ASPM: variants seen among roughly 807,000 people sequenced by gnomAD.
ASPM encodes abnormal spindle-like microcephaly-associated protein.
In ASPM, 256 loss-of-function variants were observed where a neutral mutation model predicts 366.4. That is an observed-to-expected ratio of 0.70 (90% CI 0.63 to 0.77). The LOEUF is 0.77. Among genes scored for constraint, ASPM ranks in the 30% least tolerant of loss-of-function variants. ASPM has a pLI of 0.00. For synonymous variants in ASPM, 1,414 were observed against 1,342.9 expected (o/e 1.05, Z -1.16); for missense variants, 4,146 against 4,090.4 (o/e 1.01, Z -0.37).
chr1:197,101,734 G>C lies in ASPM; in HGVS notation c.7517C>G (p.Ala2506Gly). Residue 2506 changes from alanine (A) to glycine (G), a missense_variant, in exon 18 of 28, where the codon GCT becomes GGT. Ala to Gly is a moderately conservative substitution (Grantham distance 60, BLOSUM62 0). Coordinates refer to ENST00000367409, the MANE Select transcript of ASPM (RefSeq NM_018136.5). The stretch of plus-strand genomic sequence containing the variant: ...ATAATGTTGCTGAATTAGAATTGAA[G>C]CATGTTTCCAAGTCTGAAATGTAAT... Reference protein sequence around the residue: ...TYITFQTWKHASILIQQHYRT... With the variant: ...TYITFQTWKHGSILIQQHYRT... 6.2e-7 allele frequency: 1 copy of C among 1,612,132 alleles called. No individual in the cohort carries two copies.
chr1:197,130,415 G>T (rs1658223599), intron 7 of ASPM, among the ~76,000 whole-genome samples: 1 of 152,166 alleles, frequency 6.6e-6, no homozygotes, highest in South Asian at 2.1e-4. Context: ...AGTTATAACA[G>T]AAACCTAAAT....
Position 197,091,951 on chromosome 1 carries a change from C to G in ASPM, c.9400G>C (p.Val3134Leu), listed in dbSNP as rs200936508. 1 of 1,611,390 alleles carries G rather than the reference C, an allele frequency of 6.2e-7. No individual in the cohort carries two copies. Among genetic ancestry groups the G allele is most frequent in the Non-Finnish European group, 8.5e-7 (1 of 1,178,772 alleles). The change falls in exon 22 of 28, where the codon GTG (valine) becomes CTG (leucine). Residue 3134 changes from valine to leucine, a missense_variant. Around this residue, in one of 3 missense-constraint regions of ASPM, gnomAD observed 3,624 missense variants for 3,591.7 expected, o/e 1.01. Coordinates refer to ENST00000367409, the MANE Select transcript of ASPM (RefSeq NM_018136.5). ...IQRAYKLYLAVKNANKQVNSV... is the reference protein window; with the variant it reads ...IQRAYKLYLALKNANKQVNSV... ...TTAACCTGCTTGTTAGCATTCTTCA[C>G]AGCCAGGTAAAGTTTATAGGCTCTT... is the stretch of plus-strand genomic sequence containing the variant.
chr1:197,092,746 C>G (rs1052220735), intron 21 of ASPM, among the ~76,000 whole-genome samples: 1 of 151,872 alleles, frequency 6.6e-6, no homozygotes, highest in Admixed American at 6.6e-5. Context: ...TAACATTTAA[C>G]CTCTTTCACA....
chr1:197,111,910 G>A (rs1657597967), intron 17 of ASPM, among the ~76,000 whole-genome samples: 1 of 152,170 alleles, frequency 6.6e-6, no homozygotes, highest in Non-Finnish European at 1.5e-5. Flanking sequence ...TACACTGTTG[G>A]TGGGAGTATA....
At chr1:197,127,021 T>C (rs1658110157) in intron 10 of ASPM, among the ~76,000 whole-genome samples, 1 of 152,228 alleles carries the variant, frequency 6.6e-6, no homozygotes, top group Non-Finnish European at 1.5e-5. Flanking sequence ...ATAAACAATT[T>C]AATCACCTTT....
intron 17 of ASPM, among the ~76,000 whole-genome samples, chr1:197,110,319 G>T (rs1657543371): frequency 6.6e-6 from 1 of 151,980 alleles, no homozygotes. Flanking sequence ...AATGTGGAAA[G>T]AATAGTTTTT....
chr1:197,117,181 T>G (rs1401228584), intron 17 of ASPM, among the ~76,000 whole-genome samples: 3 of 152,062 alleles, frequency 2.0e-5, no homozygotes, highest in Non-Finnish European at 4.4e-5. Context: ...TCAGATATAT[T>G]GATGGGGTGA....
intron 10 of ASPM, among the ~76,000 whole-genome samples, chr1:197,126,460 AAAAAAAAG>A (rs1383824594): frequency 6.8e-5 from 10 of 148,068 alleles, no homozygotes; most frequent in African/African-American, 1.5e-4. Flanking sequence ...AAAAAAAAAA[AAAAAAAAG>A]GGAGGGGGAC....
rs1657245497 is a variant in ASPM, at chr1:197,102,887, A to C, written c.6364T>G (p.Phe2122Val). Reference sequence around the variant, plus strand: ...TGCATTTTAAACATGGCTTTAATAAAAGTGGCTGCCCTGTGCATGTGTTGA... The same window carrying C: ...TGCATTTTAAACATGGCTTTAATAACAGTGGCTGCCCTGTGCATGTGTTGA... ...HIQHMHRAAT[F>V]IKAMFKMHQS... The change falls in exon 18 of 28, where the codon TTT becomes GTT. Residue 2122 changes from phenylalanine to valine, a missense_variant. Physicochemically the swap from Phe to Val is conservative, Grantham distance 50. Coordinates refer to ENST00000367409, the MANE Select transcript of ASPM (RefSeq NM_018136.5). The C allele has an allele frequency of 1.2e-6, 2 of 1,612,676 alleles. No homozygotes were observed. The highest frequency in any genetic ancestry group is 1.7e-6 in the Non-Finnish European group (2 of 1,179,250).
At chr1:197,108,352 T>C (rs1164102816) in intron 17 of ASPM, among the ~76,000 whole-genome samples, 1 of 151,984 alleles carries the variant, frequency 6.6e-6, no homozygotes, top group Non-Finnish European at 1.5e-5. Context: ...AAAGAAACTA[T>C]AGACAGAAAA....
Position 197,102,959 on chromosome 1 carries a change from T to C in ASPM, c.6292A>G (p.Ile2098Val). 1.9e-6 allele frequency: 3 copies of C among 1,612,656 alleles called. No individual in the cohort carries two copies. The highest frequency in any genetic ancestry group is 2.5e-6 in the Non-Finnish European group (3 of 1,179,186). Reference sequence around the variant, plus strand: ...CCTCTATAAACAGATTGGATTTTAATTGCTGTCTTCTTCAAATTAAGATAC... The same window carrying C: ...CCTCTATAAACAGATTGGATTTTAACTGCTGTCTTCTTCAAATTAAGATAC... ...KEYLNLKKTA[I>V]KIQSVYRGIR... The change falls in exon 18 of 28, where the codon ATT becomes GTT. Residue 2098 changes from isoleucine to valine, a missense_variant. Ile to Val is a conservative substitution (Grantham distance 29). Coordinates refer to ENST00000367409, the MANE Select transcript of ASPM (RefSeq NM_018136.5).
chr1:197,133,742 C>T (rs1202283225), intron 5 of ASPM, 147 bp from the exon 6 acceptor site: 6 of 888,400 alleles, frequency 6.8e-6, no homozygotes, highest in East Asian at 2.7e-5. Context: ...AATCTATCAT[C>T]GCAACCTGTT....
chr1:197,084,139 A>G lies in ASPM; in HGVS notation c.*185T>C, dbSNP rs949423195. 1.7e-5 allele frequency: 10 copies of G among 594,878 alleles called. No homozygotes were observed. Among genetic ancestry groups the G allele is most frequent in the Non-Finnish European group, 2.7e-5 (9 of 337,114 alleles). The allele number at this position is 594,878 out of a possible 1,614,324, so 36.8% of individuals were successfully genotyped here. A position where few individuals can be genotyped will look rare whatever the true frequency, so the allele number is the denominator to read the frequency against. On this transcript the variant is annotated 3_prime_UTR_variant, in exon 28 of 28. Transcript: ENST00000367409. ...AGGAATAATATAATCATCTTATGAC[A>G]TATTAGTTTATTACATGCATAAAAC...
rs138792632 is a variant in ASPM at position 197,138,228 on chromosome 1, C to T, written c.2026+1539G>A. On this transcript the variant is annotated intron_variant, in intron 4 of 27. Transcript: ENST00000367409. ...GCAAATATTGATTGAATGTCATCTT[C>T]GTGTTAGTCTACATCCTAAGTGCCA... Among the ~76,000 whole-genome samples the T allele has an allele frequency of 3.7e-3, 569 of 152,272 alleles. 9 individuals are homozygous for T. The highest frequency in any genetic ancestry group is 0.01 in the Admixed American group (153 of 15,298).
Position 197,129,239 on chromosome 1 carries a change from G to A in ASPM, c.2708C>T (p.Ser903Phe), listed in dbSNP as rs149568596. The change falls in exon 9 of 28, where the codon TCC becomes TTC. Residue 903 changes from serine (S) to phenylalanine (F), a missense_variant. Coordinates refer to ENST00000367409, the MANE Select transcript of ASPM (RefSeq NM_018136.5). Reference sequence around the variant, plus strand: ...ACAAGGATCATGATCAATGAGTCTGGAAATTTTAGCATAATCAAGAAAACA... The same window carrying A: ...ACAAGGATCATGATCAATGAGTCTGAAAATTTTAGCATAATCAAGAAAACA... ...LVCFLDYAKISRLIDHDPCLF... is the reference protein window; with the variant it reads ...LVCFLDYAKIFRLIDHDPCLF... 6.2e-7 allele frequency: 1 copy of A among 1,612,638 alleles called. No individual in the cohort carries two copies. The highest frequency in any genetic ancestry group is 2.2e-5 in the East Asian group (1 of 44,742).
Position 197,101,707 on chromosome 1 carries a change from C to T in ASPM, c.7544G>A (p.Arg2515Gln), listed in dbSNP as rs751584273. 1.7e-5 allele frequency: 27 copies of T among 1,611,810 alleles called. No homozygotes were observed. Among genetic ancestry groups the T allele is most frequent in the South Asian group, 1.6e-4 (15 of 91,028 alleles). The change falls in exon 18 of 28, where the codon CGA (arginine) becomes CAA (glutamine). Residue 2515 changes from arginine (R) to glutamine (Q), a missense_variant. Around this residue, in one of 3 missense-constraint regions of ASPM, gnomAD observed 3,624 missense variants for 3,591.7 expected, o/e 1.01. Transcript: ENST00000367409. ...HASILIQQHY[R>Q]TYRAAKLQRE... ...TTGTAATTTTGCAGCTCTATATGTT[C>T]GATAATGTTGCTGAATTAGAATTGA...
intron 16 of ASPM, among the ~76,000 whole-genome samples, chr1:197,120,460 A>G (rs905230443): frequency 1.1e-4 from 17 of 152,028 alleles, no homozygotes; most frequent in Non-Finnish European, 1.5e-5. Flanking sequence ...AACCCAAGAG[A>G]CAAAATCTGA....
intron 1 of ASPM, among the ~76,000 whole-genome samples, chr1:197,145,878 C>CAT (rs1274969828): frequency 2.7e-5 from 4 of 148,182 alleles, no homozygotes; most frequent in South Asian, 2.1e-4. Context: ...AATATTGACA[C>CAT]ATATATATAT....
chr1:197,105,019 T>A lies in ASPM; in HGVS notation c.4232A>T (p.Lys1411Ile). 1 of 1,610,808 alleles carries A rather than the reference T, an allele frequency of 6.2e-7. No individual in the cohort carries two copies. Among genetic ancestry groups the A allele is most frequent in the Admixed American group, 1.7e-5 (1 of 59,692 alleles). Residue 1411 changes from lysine (K) to isoleucine (I), a missense_variant, in exon 18 of 28, where the codon AAA becomes ATA. Coordinates refer to ENST00000367409, the MANE Select transcript of ASPM (RefSeq NM_018136.5). ...CATTTCATATCTTTGTTGATCTTGT[T>A]TTCTTCTTAAATAAGCACGCCAATG... is the stretch of plus-strand genomic sequence containing the variant. ...QRHWRAYLRRKQDQQRYEMLK... is the reference protein window; with the variant it reads ...QRHWRAYLRRIQDQQRYEMLK...
Sources: allele counts gnomAD v4.1 joint callset (sites outside exome capture counted in the v4.1 genomes callset), GRCh38; gene constraint gnomAD v4.1.1; regional missense constraint gnomAD v4.1.1; transcripts MANE v1.5; gene names NCBI Gene and HGNC (gene_info 2026-07-23, HGNC 2026-07-21).